Variants in OR9Q1 observed in about 807,000 individuals in gnomAD.
OR9Q1 encodes olfactory receptor 9Q1.
For missense variants in OR9Q1, 374 were observed against 378.8 expected, an observed-to-expected ratio of 0.99 and a Z score of 0.11; for synonymous variants, 153 against 148.6, an observed-to-expected ratio of 1.03 and a Z score of -0.22.
chr11:58,154,318 G>C (rs1012824209), intron 2 of OR9Q1, among the ~76,000 whole-genome samples: 3 of 151,990 alleles, frequency 2.0e-5, no homozygotes, highest in African/African-American at 7.2e-5. Context: ...TCTTCTGCAG[G>C]CTGCCTTATC....
At chr11:58,088,326 G>A (rs1853652936) in intron 2 of OR9Q1, among the ~76,000 whole-genome samples, 2 of 151,802 alleles carry the variant, frequency 1.3e-5, no homozygotes, top group African/African-American at 2.4e-5. Flanking sequence ...TAATCCTTTG[G>A]GTATATACCC....
intron 2 of OR9Q1, among the ~76,000 whole-genome samples, chr11:58,106,464 A>ATTGTTTCCTTTGCTGTGCTGAAGGTAT (rs1263582844): frequency 3.3e-5 from 5 of 151,858 alleles, no homozygotes; most frequent in Non-Finnish European, 7.4e-5. Flanking sequence ...CACTCTGATG[A>ATTGTTTCCTTTGCTGTGCTGAAGGTAT]TTGTTTCCTT....
chr11:58,139,165 A>T (rs1437905617), intron 2 of OR9Q1, among the ~76,000 whole-genome samples: 2 of 152,234 alleles, frequency 1.3e-5, no homozygotes, highest in Non-Finnish European at 2.9e-5. Context: ...CATCAGAAAG[A>T]ATAAGGGGGC....
intron 2 of OR9Q1, among the ~76,000 whole-genome samples, chr11:58,096,947 A>G (rs1264866740): frequency 1.3e-5 from 2 of 152,024 alleles, no homozygotes; most frequent in African/African-American, 4.8e-5. Flanking sequence ...CAAGTGATCC[A>G]TCTGCCTTGG....
At chr11:58,154,169 AGAAGGAGGAGGG>A (rs1246996726) in intron 2 of OR9Q1, among the ~76,000 whole-genome samples, 1 of 57,892 alleles carries the variant, frequency 1.7e-5, no homozygotes, top group African/African-American at 5.3e-5. Flanking sequence ...AAGGAGGAGG[AGAAGGAGGAGGG>A]GAAGGAGGAG....
intron 2 of OR9Q1, among the ~76,000 whole-genome samples, chr11:58,164,901 A>C (rs777278109): frequency 6.6e-6 from 1 of 152,120 alleles, no homozygotes; most frequent in African/African-American, 2.4e-5. Flanking sequence ...CTAGCATGCT[A>C]TCCCTCCAGA....
At chr11:58,048,695 T>TATATATATATATATA (rs1403452829) in intron 1 of OR9Q1, among the ~76,000 whole-genome samples, 3 of 141,344 alleles carry the variant, frequency 2.1e-5, no homozygotes, top group African/African-American at 7.7e-5. Context: ...TATATATATA[T>TATATATATATATATA]TTTTTAGCAA....
chr11:58,166,683 T>A (rs2119937773), intron 2 of OR9Q1, among the ~76,000 whole-genome samples: 1 of 152,308 alleles, frequency 6.6e-6, no homozygotes, highest in African/African-American at 2.4e-5. Context: ...TGGAGCCCCA[T>A]TTCCCACAAT....
chr11:58,124,278 C>T (rs185433497), intron 2 of OR9Q1, among the ~76,000 whole-genome samples: 1 of 152,192 alleles, frequency 6.6e-6, no homozygotes, highest in Non-Finnish European at 1.5e-5. Context: ...TTAAGAAAGC[C>T]TAGGAACATT....
At chr11:58,069,653 T>G (rs1263574664) in intron 2 of OR9Q1, among the ~76,000 whole-genome samples, 1 of 152,100 alleles carries the variant, frequency 6.6e-6, no homozygotes, top group Non-Finnish European at 1.5e-5. Flanking sequence ...GCACGAGAAT[T>G]GCTTGAGCCC....
Position 58,106,681 on chromosome 11 carries a change from C to T in OR9Q1, c.-15+50734C>T, listed in dbSNP as rs141900377. Among the ~76,000 whole-genome samples, 833 of 152,196 alleles carry T rather than the reference C, an allele frequency of 5.5e-3. 7 individuals carry two copies. The highest frequency in any genetic ancestry group is 0.019 in the African/African-American group (785 of 41,542). ...AGAGTTAATTTTTGTGTGTGCATAACGTAGGGTCCAGTGTCATTCTTTTGC... is the reference window on the plus strand; with the variant it reads ...AGAGTTAATTTTTGTGTGTGCATAATGTAGGGTCCAGTGTCATTCTTTTGC... On this transcript the variant is annotated intron_variant, in intron 2 of 2. Coordinates refer to ENST00000335397, the MANE Select transcript of OR9Q1 (RefSeq NM_001005212.4).
intron 1 of OR9Q1, among the ~76,000 whole-genome samples, chr11:58,054,256 G>A (rs1290265158): frequency 6.6e-6 from 1 of 152,152 alleles, no homozygotes; most frequent in Non-Finnish European, 1.5e-5. Flanking sequence ...AGGTGGGATT[G>A]GCTTTGATTT....
In OR9Q1 at chr11:58,180,293, G is replaced by A. The variant is rs145019315; in HGVS notation, c.849G>A (p.Met283Ile). ...VSVLYTEVIP[M>I]LNPLIYSLRN... ...TGCTTTACACAGAGGTCATCCCCAT[G>A]TTGAATCCCCTCATCTACAGCCTGA... Residue 283 changes from methionine to isoleucine, a missense_variant, in exon 3 of 3, where the codon ATG (methionine) becomes ATA (isoleucine). Coordinates refer to ENST00000335397, the MANE Select transcript of OR9Q1 (RefSeq NM_001005212.4). 6.2e-7 allele frequency: 1 copy of A among 1,613,858 alleles called. No homozygotes were observed. Among genetic ancestry groups the A allele is most frequent in the African/African-American group, 1.3e-5 (1 of 75,024 alleles).
At chr11:58,037,693 T>A (rs375592246) in intron 1 of OR9Q1, among the ~76,000 whole-genome samples, 760 of 6,614 alleles carry the variant, frequency 0.11, 3 homozygotes, top group African/African-American at 0.24. Context: ...ATATATATTT[T>A]TTTTTTTTTT....
At chr11:58,053,614 T>TATATATATATAA (rs61420765) in intron 1 of OR9Q1, among the ~76,000 whole-genome samples, 1 of 104,022 alleles carries the variant, frequency 9.6e-6, no homozygotes, top group South Asian at 2.9e-4. Context: ...AATTAAAAAA[T>TATATATATATAA]ATATATATAT....
At chr11:58,026,529 A>T (rs912429984) in intron 1 of OR9Q1, among the ~76,000 whole-genome samples, 1 of 151,866 alleles carries the variant, frequency 6.6e-6, no homozygotes, top group African/African-American at 2.4e-5. Context: ...TAAAAATACA[A>T]AAATTAGCTG....
chr11:58,081,154 T>A (rs1853583922), intron 2 of OR9Q1, among the ~76,000 whole-genome samples: 1 of 152,222 alleles, frequency 6.6e-6, no homozygotes, highest in African/African-American at 2.4e-5. Context: ...AACTCATCCT[T>A]TTTTGTGGCT....
At chr11:58,112,123 A>C (rs1412398400) in intron 2 of OR9Q1, among the ~76,000 whole-genome samples, 1 of 151,854 alleles carries the variant, frequency 6.6e-6, no homozygotes, top group Non-Finnish European at 1.5e-5. Flanking sequence ...CTCTGTCTCT[A>C]CTAAAAACAC....
Position 58,152,599 on chromosome 11 carries a change from C to T in OR9Q1, c.-14-26832C>T, listed in dbSNP as rs542144731. On this transcript the variant is annotated intron_variant, in intron 2 of 2. Transcript: ENST00000335397. ...GATTGATTTGTAACAGTAACTTGTACATTAGGAAAATCAGTCCTTTGTCTG... is the reference window on the plus strand; with the variant it reads ...GATTGATTTGTAACAGTAACTTGTATATTAGGAAAATCAGTCCTTTGTCTG... Among the ~76,000 whole-genome samples the T allele has an allele frequency of 2.0e-4, 30 of 152,070 alleles. No homozygotes were observed. The South Asian group carries it at 5.2e-3, about 26-fold the overall frequency.
Sources: allele counts gnomAD v4.1 joint callset (sites outside exome capture counted in the v4.1 genomes callset), GRCh38; gene constraint gnomAD v4.1.1; transcripts MANE v1.5; gene names NCBI Gene and HGNC (gene_info 2026-07-23, HGNC 2026-07-21).